ZDHHC2: variants seen among roughly 807,000 people sequenced by gnomAD.
The protein encoded by ZDHHC2 is palmitoyltransferase ZDHHC2.
A neutral mutation model predicts 55.6 loss-of-function variants in ZDHHC2; 51 were observed. That is an observed-to-expected ratio of 0.92 (90% CI 0.73 to 1.16). The LOEUF is 1.16. ZDHHC2 is among the 50% of genes most tolerant of loss of function. ZDHHC2 has a pLI of 0.00. For synonymous variants in ZDHHC2, 199 were observed against 152.9 expected, an observed-to-expected ratio of 1.30 and a Z score of -2.22; for missense variants, 491 against 442.4, an observed-to-expected ratio of 1.11 and a Z score of -0.99.
At chr8:17,203,153 G>C (rs539444984) in intron 6 of ZDHHC2, among the ~76,000 whole-genome samples, 2 of 144,996 alleles carry the variant, frequency 1.4e-5, no homozygotes, top group Admixed American at 7.1e-5. Flanking sequence ...TCTGCCTCCC[G>C]GGTTCAAGCA....
At chr8:17,192,677 A>G (rs1490270548) in intron 3 of ZDHHC2, among the ~76,000 whole-genome samples, 1 of 152,198 alleles carries the variant, frequency 6.6e-6, no homozygotes, top group Non-Finnish European at 1.5e-5. Flanking sequence ...CTTGTGAGGT[A>G]TGATTCAAGA....
intron 10 of ZDHHC2, among the ~76,000 whole-genome samples, chr8:17,213,699 C>T (rs1222927350): frequency 2.6e-5 from 4 of 152,132 alleles, no homozygotes; most frequent in Admixed American, 2.6e-4. Context: ...GCTCAATAAA[C>T]ATTGTTCAGT....
chr8:17,205,867 T>A (rs2150939266), intron 7 of ZDHHC2, 92 bp downstream of exon 7: 1 of 1,274,306 alleles, frequency 7.8e-7, no homozygotes, highest in South Asian at 1.6e-5. Context: ...ACTGACTTTA[T>A]AGACCAGAGC....
chr8:17,182,660 T>C (rs1276401030), intron 1 of ZDHHC2, among the ~76,000 whole-genome samples: 2 of 152,134 alleles, frequency 1.3e-5, no homozygotes, highest in African/African-American at 4.8e-5. Flanking sequence ...ATAATAATAA[T>C]AATAATAATA....
chr8:17,198,910 T>C (rs987175559), intron 6 of ZDHHC2, among the ~76,000 whole-genome samples: 3 of 152,212 alleles, frequency 2.0e-5, no homozygotes, highest in Admixed American at 1.3e-4. Flanking sequence ...TTCATTAATA[T>C]TTGCTAATAT....
chr8:17,206,210 C>A (rs1234863580), intron 7 of ZDHHC2, among the ~76,000 whole-genome samples: 2 of 152,170 alleles, frequency 1.3e-5, no homozygotes, highest in Admixed American at 1.3e-4. Flanking sequence ...TCTAATGTTT[C>A]TAAACAAAAG....
chr8:17,157,128 C>A (rs1029617755), intron 1 of ZDHHC2, among the ~76,000 whole-genome samples: 9 of 152,122 alleles, frequency 5.9e-5, no homozygotes, highest in Non-Finnish European at 1.3e-4. Context: ...ACCGCCGCCG[C>A]CTCGGCCACA....
At chr8:17,158,546 CTTA>C (rs890808656) in intron 1 of ZDHHC2, among the ~76,000 whole-genome samples, 27 of 152,234 alleles carry the variant, frequency 1.8e-4, no homozygotes, top group Non-Finnish European at 4.0e-4. Context: ...TATGGCAGAT[CTTA>C]TTATTGTATT....
chr8:17,162,507 T>C (rs1804398540), intron 1 of ZDHHC2, among the ~76,000 whole-genome samples: 1 of 152,158 alleles, frequency 6.6e-6, no homozygotes, highest in South Asian at 2.1e-4. Flanking sequence ...TCAAGATAAT[T>C]AATTGTCTCT....
At chr8:17,215,892 C>A (rs1310175448) in intron 11 of ZDHHC2, among the ~76,000 whole-genome samples, 1 of 152,178 alleles carries the variant, frequency 6.6e-6, no homozygotes, top group Admixed American at 6.5e-5. Flanking sequence ...TAGCAAGGAA[C>A]AAGCAAGGCT....
intron 1 of ZDHHC2, among the ~76,000 whole-genome samples, chr8:17,169,314 C>G (rs1804745332): frequency 6.6e-6 from 1 of 151,060 alleles, no homozygotes; most frequent in African/African-American, 2.4e-5. Flanking sequence ...TGAAGAATCC[C>G]ATGTTGCCCA....
intron 8 of ZDHHC2, among the ~76,000 whole-genome samples, chr8:17,209,407 A>C (rs1807262256): frequency 6.6e-6 from 1 of 152,176 alleles, no homozygotes; most frequent in Admixed American, 6.5e-5. Context: ...GAATTGCTTG[A>C]GCCTGGGAAT....
intron 1 of ZDHHC2, among the ~76,000 whole-genome samples, chr8:17,179,682 A>G (rs1035493328): frequency 2.0e-5 from 3 of 152,224 alleles, no homozygotes; most frequent in Admixed American, 6.5e-5. Context: ...AAGTGCTGGC[A>G]TTTCATGCGT....
At chr8:17,177,140 C>T (rs1805179937) in intron 1 of ZDHHC2, among the ~76,000 whole-genome samples, 1 of 152,126 alleles carries the variant, frequency 6.6e-6, no homozygotes, top group East Asian at 1.9e-4. Flanking sequence ...ATGAATTTGA[C>T]AGACTTTTTC....
intron 3 of ZDHHC2, among the ~76,000 whole-genome samples, chr8:17,190,255 C>CAA (rs539334473): frequency 1.1e-3 from 144 of 132,420 alleles, no homozygotes; most frequent in Non-Finnish European, 1.8e-3. Context: ...CACTCCGTCT[C>CAA]AAAAAAAAAA....
chr8:17,179,345 C>T (rs1183122236), intron 1 of ZDHHC2, among the ~76,000 whole-genome samples: 1 of 152,180 alleles, frequency 6.6e-6, no homozygotes, highest in African/African-American at 2.4e-5. Context: ...AATCTACAAG[C>T]TTTGTAGCAT....
intron 6 of ZDHHC2, among the ~76,000 whole-genome samples, chr8:17,199,546 T>TCTTCGTCTTCTTC: frequency 2.5e-5 from 1 of 40,668 alleles, no homozygotes; most frequent in African/African-American, 7.3e-5. Context: ...CTTCGTCTTC[T>TCTTCGTCTTCTTC]GTCTTCGTCT....
chr8:17,200,725 G>A (rs1325399584), intron 6 of ZDHHC2, among the ~76,000 whole-genome samples: 3 of 152,190 alleles, frequency 2.0e-5, no homozygotes, highest in Non-Finnish European at 2.9e-5. Context: ...AGTTTTCACA[G>A]ATTCTGTTAA....
intron 3 of ZDHHC2, among the ~76,000 whole-genome samples, chr8:17,193,188 C>T (rs1405242581): frequency 1.3e-5 from 2 of 152,124 alleles, no homozygotes; most frequent in South Asian, 2.1e-4. Context: ...ATTTGTCCTC[C>T]TTGGGAAGGC....
Sources: allele counts gnomAD v4.1 joint callset (sites outside exome capture counted in the v4.1 genomes callset), GRCh38; gene constraint gnomAD v4.1.1; transcripts MANE v1.5; gene names NCBI Gene and HGNC (gene_info 2026-07-23, HGNC 2026-07-21).